Variants in MIA2 observed in about 807,000 individuals in gnomAD.
MIA2 encodes the protein MIA SH3 domain ER export factor 2.
Under a neutral mutation model 167.8 loss-of-function variants are expected in MIA2, and 127 were observed. The ratio of observed to expected loss-of-function variants is 0.76; its 90% CI spans 0.66 to 0.88. The LOEUF is 0.88. Ranked by LOEUF, MIA2 falls within the 40% of genes least tolerant of loss-of-function variation. MIA2 has a pLI of 0.00. For synonymous variants in MIA2, 552 were observed against 541.9 expected, an observed-to-expected ratio of 1.02 and a Z score of -0.26; for missense variants, 1,690 against 1,624.7, an observed-to-expected ratio of 1.04 and a Z score of -0.69.
At chr14:39,375,661 C>T (rs1352937901) in intron 23 of MIA2, among the ~76,000 whole-genome samples, 1 of 152,204 alleles carries the variant, frequency 6.6e-6, no homozygotes, top group African/African-American at 2.4e-5. Context: ...CAGGCCACTA[C>T]ACTCCAGCTT....
At chr14:39,265,958 CTGA>C (rs2152668796) in intron 6 of MIA2, 1 of 985,370 alleles carries the variant, frequency 1.0e-6, no homozygotes, top group African/African-American at 1.7e-5. Context: ...ACTCCTCAGG[CTGA>C]TGTGGCAAAG....
At chr14:39,272,895 T>C (rs1305145550) in intron 6 of MIA2, among the ~76,000 whole-genome samples, 1 of 152,272 alleles carries the variant, frequency 6.6e-6, no homozygotes, top group Non-Finnish European at 1.5e-5. Context: ...AATAATCTTA[T>C]TCTTTTTGAT....
At position 39,357,230 on chromosome 14, in the gene MIA2, G is replaced by A. The variant is rs546973974; in HGVS notation, c.2248+8253G>A. Among the ~76,000 whole-genome samples the A allele has an allele frequency of 4.6e-5, 7 of 152,230 alleles. No individual in the cohort carries two copies. The South Asian group carries it at 8.3e-4, about 18-fold the overall frequency. ...CTAAGGACTTGCTTTATGAATCTGG[G>A]TGCTCCTGTATTGGGCACATATATA... On this transcript the variant is annotated intron_variant, in intron 23 of 23. Coordinates refer to the MIA2 transcript ENST00000341502.
At chr14:39,307,005 C>T (rs979035880) in intron 17 of MIA2, among the ~76,000 whole-genome samples, 2 of 152,002 alleles carry the variant, frequency 1.3e-5, no homozygotes, top group African/African-American at 4.8e-5. Context: ...GATGGCTTAG[C>T]GGTTGAAACA....
intron 15 of MIA2, among the ~76,000 whole-genome samples, chr14:39,302,755 A>G (rs969355057): frequency 6.6e-6 from 1 of 152,180 alleles, no homozygotes; most frequent in Non-Finnish European, 1.5e-5. Flanking sequence ...TAGTTTCACT[A>G]TAGCCCCTTA....
Position 39,247,545 on chromosome 14 carries a change from A to G in MIA2, c.971A>G (p.Asp324Gly), listed in dbSNP as rs561703368. 6.2e-7 allele frequency: 1 copy of G among 1,614,110 alleles called. No individual in the cohort carries two copies. The highest frequency in any genetic ancestry group is 1.7e-5 in the Admixed American group (1 of 60,008). Residue 324 changes from aspartate to glycine, a missense_variant, in exon 4 of 29, where the codon GAT becomes GGT. Coordinates refer to ENST00000640607, the MANE Select transcript of MIA2 (RefSeq NM_001329214.4). ...FTSYLGFGDE[D>G]TGLELIAEES... ...AGTTATTTAGGTTTTGGAGATGAGG[A>G]TACAGGGCTTGAATTAATAGCTGAA...
At chr14:39,330,426 G>T (rs578074457) in intron 25 of MIA2, among the ~76,000 whole-genome samples, 1 of 151,870 alleles carries the variant, frequency 6.6e-6, no homozygotes, top group African/African-American at 2.4e-5. Context: ...CCAGCTCATG[G>T]ATTTTTTGAA....
At chr14:39,281,353 C>A (rs1054715906) in intron 9 of MIA2, among the ~76,000 whole-genome samples, 1 of 152,072 alleles carries the variant, frequency 6.6e-6, no homozygotes, top group Non-Finnish European at 1.5e-5. Context: ...CTGTCTCTTA[C>A]GTTCTTTTCC....
At chr14:39,310,874 A>G (rs2152925968) in intron 18 of MIA2, among the ~76,000 whole-genome samples, 1 of 152,348 alleles carries the variant, frequency 6.6e-6, no homozygotes, top group East Asian at 1.9e-4. Flanking sequence ...TAAACGTGAC[A>G]AAATGGAAGA....
chr14:39,289,522 G>C (rs1368462581), intron 9 of MIA2, among the ~76,000 whole-genome samples: 1 of 152,170 alleles, frequency 6.6e-6, no homozygotes, highest in African/African-American at 2.4e-5. Context: ...CAAGGTACCA[G>C]TTTTGGTTGG....
intron 6 of MIA2, chr14:39,269,073 A>ATTTTTTTTTTTTTTT: frequency 5.5e-6 from 2 of 362,180 alleles, no homozygotes; most frequent in Non-Finnish European, 6.7e-6. Flanking sequence ...TCACCTGCAC[A>ATTTTTTTTTTTTTTT]GTTTTTTTTT....
intron 3 of MIA2, among the ~76,000 whole-genome samples, chr14:39,245,624 T>C (rs907794162): frequency 5.3e-5 from 8 of 152,172 alleles, no homozygotes; most frequent in African/African-American, 9.7e-5. Context: ...AAAATAAATT[T>C]ATTTCTCACA....
chr14:39,376,013 G>A (rs2075038454), intron 23 of MIA2, among the ~76,000 whole-genome samples: 1 of 152,124 alleles, frequency 6.6e-6, no homozygotes, highest in South Asian at 2.1e-4. Context: ...GAGTGCAGTG[G>A]CACAACCTCA....
intron 25 of MIA2, among the ~76,000 whole-genome samples, chr14:39,330,132 A>G (rs867363912): frequency 1.3e-5 from 2 of 152,178 alleles, no homozygotes; most frequent in African/African-American, 4.8e-5. Flanking sequence ...ATTAATTACT[A>G]CGTCAATTTC....
At chr14:39,374,971 C>T (rs2075018752) in intron 23 of MIA2, among the ~76,000 whole-genome samples, 1 of 152,216 alleles carries the variant, frequency 6.6e-6, no homozygotes, top group Admixed American at 6.5e-5. Flanking sequence ...TGCTTTAAAA[C>T]TTTCAGAGTG....
intron 23 of MIA2, among the ~76,000 whole-genome samples, chr14:39,320,189 C>T (rs938878213): frequency 6.6e-6 from 1 of 152,042 alleles, no homozygotes; most frequent in African/African-American, 2.4e-5. Flanking sequence ...GAATATTATA[C>T]CAGCTACACT....
intron 25 of MIA2, among the ~76,000 whole-genome samples, chr14:39,342,090 C>T (rs1381408928): frequency 6.6e-6 from 1 of 152,150 alleles, no homozygotes; most frequent in African/African-American, 2.4e-5. Flanking sequence ...CATATGTATA[C>T]ATGTGCCATG....
At chr14:39,365,191 A>G (rs2074792698) in intron 23 of MIA2, among the ~76,000 whole-genome samples, 1 of 151,924 alleles carries the variant, frequency 6.6e-6, no homozygotes, top group South Asian at 2.1e-4. Context: ...TCAGCTCCCC[A>G]AGTAGCTGGG....
chr14:39,261,744 T>C (rs200113743), intron 6 of MIA2, among the ~76,000 whole-genome samples: 3 of 152,182 alleles, frequency 2.0e-5, no homozygotes, highest in Non-Finnish European at 4.4e-5. Flanking sequence ...TGGCCAGTGA[T>C]GATGAGCATT....
Sources: allele counts gnomAD v4.1 joint callset (sites outside exome capture counted in the v4.1 genomes callset), GRCh38; gene constraint gnomAD v4.1.1; transcripts MANE v1.5; gene names NCBI Gene and HGNC (gene_info 2026-07-23, HGNC 2026-07-21).